FNIP2: variants seen among roughly 807,000 people sequenced by gnomAD.
FNIP2 encodes the protein folliculin interacting protein 2.
A neutral mutation model predicts 108.7 loss-of-function variants in FNIP2; 32 were observed. The observed-to-expected ratio is 0.29, with a 90% CI of 0.22 to 0.40. The LOEUF is 0.40. Ranked by LOEUF, FNIP2 falls within the 10% of genes least tolerant of loss-of-function variation. The pLI, the probability that FNIP2 is intolerant of heterozygous loss-of-function variation, is 1.00. For synonymous variants in FNIP2, 480 were observed against 496.7 expected, an observed-to-expected ratio of 0.97 and a Z score of 0.45; for missense variants, 1,202 against 1,381.6, an observed-to-expected ratio of 0.87 and a Z score of 2.06.
At chr4:158,847,651 C>T (rs940924447) in intron 7 of FNIP2, among the ~76,000 whole-genome samples, 38 of 152,060 alleles carry the variant, frequency 2.5e-4, no homozygotes, top group African/African-American at 8.0e-4. Context: ...CTTGAGAAAA[C>T]GGTACCAGGT....
chr4:158,788,651 C>T (rs749293402), intron 1 of FNIP2, among the ~76,000 whole-genome samples: 1 of 152,230 alleles, frequency 6.6e-6, no homozygotes, highest in Non-Finnish European at 1.5e-5. Context: ...TACATATGGA[C>T]AGGCCTCTTG....
chr4:158,770,995 C>G (rs932086103), intron 1 of FNIP2, among the ~76,000 whole-genome samples: 24 of 152,130 alleles, frequency 1.6e-4, no homozygotes, highest in Middle Eastern at 3.2e-3. Flanking sequence ...AAAAATATGG[C>G]TATATTTAGG....
At position 158,859,642 on chromosome 4, in the gene FNIP2, T is replaced by C; in HGVS notation, c.1124T>C (p.Leu375Ser). Residue 375 changes from leucine (L) to serine (S), a missense_variant, in exon 10 of 17, where the codon TTG becomes TCG. Physicochemically the swap from Leu to Ser is moderately radical, Grantham distance 145. Around this residue, in one of 5 missense-constraint regions of FNIP2, gnomAD observed 878 missense variants for 990.3 expected, o/e 0.89. Transcript: ENST00000264433. ...CGAGTCCAGTTTTATGTCAGCCGTT[T>C]GATGGAAGCTCTGGGAGAATTCAGG... is the stretch of plus-strand genomic sequence containing the variant. The part of the protein sequence containing the change: ...SLRVQFYVSR[L>S]MEALGEFRGT... The C allele has an allele frequency of 6.2e-7, 1 of 1,613,474 alleles. No individual in the cohort carries two copies. Among genetic ancestry groups the C allele is most frequent in the Non-Finnish European group, 8.5e-7 (1 of 1,179,652 alleles).
intron 1 of FNIP2, among the ~76,000 whole-genome samples, chr4:158,807,573 A>G (rs1026589886): frequency 6.6e-6 from 1 of 152,232 alleles, no homozygotes; most frequent in East Asian, 1.9e-4. Context: ...CTCAAAATTA[A>G]CATATCTCAT....
chr4:158,851,220 G>A lies in FNIP2; in HGVS notation c.728-101G>A, dbSNP rs1173395184. 3.7e-6 allele frequency: 5 copies of A among 1,341,406 alleles called. No individual in the cohort carries two copies. In the South Asian group the frequency reaches 4.0e-5, roughly 11 times the overall value. The allele number at this position is 1,341,406 out of a possible 1,614,324, so 83.1% of individuals were successfully genotyped here. On this transcript the variant is annotated intron_variant, in intron 7 of 16. Coordinates refer to ENST00000264433, the MANE Select transcript of FNIP2 (RefSeq NM_020840.3). ...TAGTGATATTAAATACATAATAAATGTAGAGTTCAGTGATATTAAATACAT... is the reference window on the plus strand; with the variant it reads ...TAGTGATATTAAATACATAATAAATATAGAGTTCAGTGATATTAAATACAT...
chr4:158,774,835 G>A (rs533513804), intron 1 of FNIP2, among the ~76,000 whole-genome samples: 1 of 152,252 alleles, frequency 6.6e-6, no homozygotes, highest in East Asian at 1.9e-4. Context: ...GTGGATAAGA[G>A]GCCTGGATTA....
intron 1 of FNIP2, among the ~76,000 whole-genome samples, chr4:158,796,959 G>A (rs1347922243): frequency 6.6e-6 from 1 of 152,124 alleles, no homozygotes; most frequent in African/African-American, 2.4e-5. Context: ...TGAGTTCCTT[G>A]TACTCAGCCT....
chr4:158,888,185 A>G (rs1782117337), intron 14 of FNIP2, among the ~76,000 whole-genome samples: 1 of 152,228 alleles, frequency 6.6e-6, no homozygotes, highest in Non-Finnish European at 1.5e-5. Flanking sequence ...GTAAGTAGCT[A>G]CTAAGTGATA....
intron 16 of FNIP2, among the ~76,000 whole-genome samples, chr4:158,896,777 GTT>G (rs578209692): frequency 2.3e-5 from 3 of 132,174 alleles, no homozygotes; most frequent in Admixed American, 7.6e-5. Context: ...TCTCTTTGTC[GTT>G]TTTTTTTTTT....
intron 3 of FNIP2, among the ~76,000 whole-genome samples, chr4:158,830,941 A>G (rs1231455421): frequency 1.3e-5 from 2 of 152,234 alleles, no homozygotes; most frequent in African/African-American, 4.8e-5. Context: ...CTAGAGCTCC[A>G]GGAGAGCTCT....
chr4:158,789,990 C>G (rs752958617), intron 1 of FNIP2, among the ~76,000 whole-genome samples: 1 of 152,068 alleles, frequency 6.6e-6, no homozygotes, highest in Admixed American at 6.5e-5. Context: ...TGACATGACA[C>G]GTCAAGCGGG....
At chr4:158,812,331 C>T (rs1259085284) in intron 1 of FNIP2, among the ~76,000 whole-genome samples, 1 of 151,990 alleles carries the variant, frequency 6.6e-6, no homozygotes, top group Non-Finnish European at 1.5e-5. Flanking sequence ...GAGGACTGAC[C>T]CTCCTTTTTC....
chr4:158,823,953 G>T (rs759252393), intron 1 of FNIP2, among the ~76,000 whole-genome samples: 21 of 152,144 alleles, frequency 1.4e-4, no homozygotes, highest in Admixed American at 5.2e-4. Flanking sequence ...AAAGGATGCT[G>T]GGCGTGATAA....
chr4:158,794,069 T>C (rs1776505300), intron 1 of FNIP2, among the ~76,000 whole-genome samples: 1 of 152,246 alleles, frequency 6.6e-6, no homozygotes, highest in South Asian at 2.1e-4. Context: ...TGAAATATTC[T>C]GTGAGAAAGT....
chr4:158,811,669 C>CAG (rs1213537923), intron 1 of FNIP2, among the ~76,000 whole-genome samples: 3 of 152,092 alleles, frequency 2.0e-5, no homozygotes, highest in Non-Finnish European at 4.4e-5. Context: ...TACACACACA[C>CAG]ACACAAACAC....
chr4:158,775,163 G>A (rs1775818985), intron 1 of FNIP2, among the ~76,000 whole-genome samples: 2 of 152,174 alleles, frequency 1.3e-5, no homozygotes, highest in Non-Finnish European at 2.9e-5. Context: ...CTCCTGGTGT[G>A]TGAATCTGAT....
chr4:158,782,316 G>A (rs959884536), intron 1 of FNIP2, among the ~76,000 whole-genome samples: 3 of 152,134 alleles, frequency 2.0e-5, no homozygotes, highest in East Asian at 1.9e-4. Context: ...TAAAACATAC[G>A]TGTATTCCCC....
intron 8 of FNIP2, among the ~76,000 whole-genome samples, chr4:158,855,071 A>C (rs1264446323): frequency 6.6e-6 from 1 of 152,124 alleles, no homozygotes; most frequent in Non-Finnish European, 1.5e-5. Context: ...GAGGAGTAGG[A>C]GAAGGAAGGG....
chr4:158,819,819 T>C (rs1431964105), intron 1 of FNIP2, among the ~76,000 whole-genome samples: 2 of 152,232 alleles, frequency 1.3e-5, no homozygotes, highest in Non-Finnish European at 2.9e-5. Context: ...ACTCTTTGGG[T>C]CTCCCCACTC....
Sources: allele counts gnomAD v4.1 joint callset (sites outside exome capture counted in the v4.1 genomes callset), GRCh38; gene constraint gnomAD v4.1.1; regional missense constraint gnomAD v4.1.1; transcripts MANE v1.5; gene names NCBI Gene and HGNC (gene_info 2026-07-23, HGNC 2026-07-21).